The following FOXP1 variants were observed in gnomAD, a reference collection of about 807,000 sequenced individuals.
FOXP1 encodes the protein forkhead box protein P1.
A neutral mutation model predicts 98.2 loss-of-function variants in FOXP1; 15 were observed. The observed-to-expected ratio is 0.15, with a 90% CI of 0.10 to 0.24. FOXP1 has a LOEUF of 0.24. FOXP1 is among the 10% of genes least tolerant of loss of function. The pLI is 1.00. For synonymous variants in FOXP1, 371 were observed against 314.5 expected, an observed-to-expected ratio of 1.18 and a Z score of -1.90; for missense variants, 633 against 848.5, an observed-to-expected ratio of 0.75 and a Z score of 3.15.
intron 11 of FOXP1, among the ~76,000 whole-genome samples, chr3:71,035,100 T>C (rs561615262): frequency 2.1e-4 from 32 of 152,308 alleles, no homozygotes; most frequent in African/African-American, 6.3e-4. Context: ...CTTGTTACAA[T>C]GCAGATCCTG....
intron 3 of FOXP1, among the ~76,000 whole-genome samples, chr3:71,463,544 G>A (rs1345923038): frequency 1.3e-5 from 2 of 152,162 alleles, no homozygotes; most frequent in East Asian, 3.9e-4. Context: ...GACATGAATG[G>A]TGATGCTGAG....
At chr3:70,988,121 C>A (rs955342301) in intron 13 of FOXP1, 44 bp from the exon 14 acceptor site, 1 of 1,546,904 alleles carries the variant, frequency 6.5e-7, no homozygotes, top group Non-Finnish European at 8.9e-7. Context: ...AATAAAGATG[C>A]ATGGCTCTTA....
chr3:71,191,976 C>T (rs1231457808), intron 6 of FOXP1, among the ~76,000 whole-genome samples: 1 of 152,202 alleles, frequency 6.6e-6, no homozygotes, highest in Non-Finnish European at 1.5e-5. Context: ...AAAATTACAG[C>T]TGGGTTTTTA....
At chr3:71,339,134 G>A (rs1310497075) in intron 4 of FOXP1, among the ~76,000 whole-genome samples, 3 of 152,140 alleles carry the variant, frequency 2.0e-5, no homozygotes, top group Admixed American at 6.5e-5. Context: ...AGAAAGATTT[G>A]GCAAATGAAA....
chr3:71,468,284 T>G (rs1252833959), intron 3 of FOXP1, among the ~76,000 whole-genome samples: 1 of 152,190 alleles, frequency 6.6e-6, no homozygotes, highest in Admixed American at 6.5e-5. Flanking sequence ...AAGTCATTGC[T>G]TGGCTTCAAA....
At chr3:71,086,603 T>C (rs1307788192) in intron 7 of FOXP1, among the ~76,000 whole-genome samples, 1 of 152,168 alleles carries the variant, frequency 6.6e-6, no homozygotes, top group Non-Finnish European at 1.5e-5. Flanking sequence ...ACTCCATCTC[T>C]AATTTCCCCA....
intron 4 of FOXP1, among the ~76,000 whole-genome samples, chr3:71,317,574 C>A (rs73113445): frequency 0.033 from 4,974 of 152,242 alleles, 119 homozygotes; most frequent in Non-Finnish European, 0.045. Flanking sequence ...AAAGTTACTG[C>A]CTTTCACGTG....
chr3:71,357,732 C>T (rs1467961327), intron 4 of FOXP1, among the ~76,000 whole-genome samples: 1 of 152,180 alleles, frequency 6.6e-6, no homozygotes, highest in Non-Finnish European at 1.5e-5. Context: ...GAGGCAATGG[C>T]CTGAGAGCCA....
chr3:71,018,018 C>A (rs918236107), intron 11 of FOXP1, among the ~76,000 whole-genome samples: 1 of 152,144 alleles, frequency 6.6e-6, no homozygotes, highest in African/African-American at 2.4e-5. Flanking sequence ...TAGTTAAGAA[C>A]TGTAAGTGGT....
rs562325499 is a variant in FOXP1 at position 71,157,296 on chromosome 3, C to T, written c.180+40906G>A. On this transcript the variant is annotated intron_variant, in intron 6 of 20. Transcript: ENST00000649528. Reference sequence around the variant, plus strand: ...GGAGGAGAGAATAACACAGAAAGGACTTCTCAATCTTGAATGCCTCCAAAT... The same window carrying T: ...GGAGGAGAGAATAACACAGAAAGGATTTCTCAATCTTGAATGCCTCCAAAT... Among the ~76,000 whole-genome samples, 6 of 152,248 alleles carry T rather than the reference C, an allele frequency of 3.9e-5. No homozygotes were observed. The South Asian group carries it at 1.2e-3, about 32-fold the overall frequency.
rs374640610 is a variant in FOXP1 at position 71,111,705 on chromosome 3, T to C, written c.282+831A>G. Reference sequence around the variant, plus strand: ...TGAGCCACCATGCCTGGCCCCAAATTAGATTTTTATAAACTTACTCATTCT... The same window carrying C: ...TGAGCCACCATGCCTGGCCCCAAATCAGATTTTTATAAACTTACTCATTCT... On this transcript the variant is annotated intron_variant, in intron 7 of 20. Coordinates refer to ENST00000649528, the MANE Select transcript of FOXP1 (RefSeq NM_001349338.3). Among the ~76,000 whole-genome samples the C allele has an allele frequency of 3.2e-4, 49 of 152,248 alleles. No individual in the cohort carries two copies. The East Asian group carries it at 3.3e-3, about 10-fold the overall frequency.
chr3:71,140,127 T>C (rs2059997905), intron 6 of FOXP1, among the ~76,000 whole-genome samples: 1 of 152,216 alleles, frequency 6.6e-6, no homozygotes, highest in Non-Finnish European at 1.5e-5. Flanking sequence ...GTACTCCTTA[T>C]CCAAAATGAT....
intron 6 of FOXP1, among the ~76,000 whole-genome samples, chr3:71,174,809 C>T (rs1259262968): frequency 6.6e-6 from 1 of 151,332 alleles, no homozygotes; most frequent in Non-Finnish European, 1.5e-5. Context: ...CACACACACA[C>T]ACACACACAC....
chr3:71,534,888 C>G lies in FOXP1; in HGVS notation c.-297-41333G>C, dbSNP rs969639411. Among the ~76,000 whole-genome samples, 8 of 152,166 alleles carry G rather than the reference C, an allele frequency of 5.3e-5. No homozygotes were observed. In the East Asian group the frequency reaches 1.5e-3, roughly 29 times the overall value. ...TGAGCATTTCCTGAATGTAACCAGCCACTCTAAGCCAGAGCTGACCTATGA... is the reference window on the plus strand; with the variant it reads ...TGAGCATTTCCTGAATGTAACCAGCGACTCTAAGCCAGAGCTGACCTATGA... On this transcript the variant is annotated intron_variant, in intron 2 of 20. Coordinates refer to ENST00000649528, the MANE Select transcript of FOXP1 (RefSeq NM_001349338.3).
intron 3 of FOXP1, among the ~76,000 whole-genome samples, chr3:71,393,457 CCTCT>C (rs1436238958): frequency 6.6e-6 from 1 of 151,820 alleles, no homozygotes; most frequent in Non-Finnish European, 1.5e-5. Flanking sequence ...TGTATACTTG[CCTCT>C]CTAATATCAT....
chr3:71,045,021 G>C (rs1231580627), intron 10 of FOXP1, among the ~76,000 whole-genome samples: 1 of 152,156 alleles, frequency 6.6e-6, no homozygotes, highest in Non-Finnish European at 1.5e-5. Context: ...TGAGGTGAGG[G>C]AGTGGGGGGA....
chr3:71,023,362 G>C (rs1445281981), intron 11 of FOXP1, among the ~76,000 whole-genome samples: 1 of 152,176 alleles, frequency 6.6e-6, no homozygotes, highest in Non-Finnish European at 1.5e-5. Flanking sequence ...TGCACGGTAA[G>C]AGACTGCTTA....
At chr3:71,323,634 G>A (rs537163329) in intron 4 of FOXP1, among the ~76,000 whole-genome samples, 3 of 152,262 alleles carry the variant, frequency 2.0e-5, no homozygotes, top group Non-Finnish European at 2.9e-5. Flanking sequence ...GGAGCACCTC[G>A]TAAAAAGGCC....
intron 4 of FOXP1, among the ~76,000 whole-genome samples, chr3:71,312,701 T>C (rs1187716575): frequency 6.6e-6 from 1 of 152,096 alleles, no homozygotes; most frequent in Non-Finnish European, 1.5e-5. Flanking sequence ...AATGGGGGAA[T>C]AGGCCAGGCA....
Sources: allele counts gnomAD v4.1 joint callset (sites outside exome capture counted in the v4.1 genomes callset), GRCh38; gene constraint gnomAD v4.1.1; transcripts MANE v1.5; gene names NCBI Gene and HGNC (gene_info 2026-07-23, HGNC 2026-07-21).